The following SLAMF9 variants were observed in gnomAD, a reference collection of about 807,000 sequenced individuals.
SLAMF9 encodes the protein SLAM family member 9.
A neutral mutation model predicts 30.4 loss-of-function variants in SLAMF9; 25 were observed. That is an observed-to-expected ratio of 0.82 (90% confidence interval 0.60 to 1.15). SLAMF9 has a LOEUF of 1.15. Among genes scored for constraint, SLAMF9 ranks in the 50% most tolerant of loss-of-function variants. SLAMF9 has a pLI of 0.00. For missense variants in SLAMF9, 344 were observed against 346.1 expected, an observed-to-expected ratio of 0.99 and a Z score of 0.05; for synonymous variants, 129 against 127.2, an observed-to-expected ratio of 1.01 and a Z score of -0.09.
chr1:159,973,553 C>T, the SLAMF9 span, among the ~76,000 whole-genome samples: 8 of 152,162 alleles, frequency 5.3e-5, no homozygotes, highest in Non-Finnish European at 5.9e-5. Context: ...CTGGACTGGT[C>T]CAGGCTTTTC....
chr1:159,956,133 A>G (rs1029699599), upstream of SLAMF9, among the ~76,000 whole-genome samples: 1 of 152,236 alleles, frequency 6.6e-6, no homozygotes, highest in Non-Finnish European at 1.5e-5. Flanking sequence ...GTGTAAAGAA[A>G]TTGTAGATAT....
chr1:159,952,027 G>A (rs1033626487), intron 3 of SLAMF9, among the ~76,000 whole-genome samples, 161 bp from the exon 4 acceptor site: 1 of 152,166 alleles, frequency 6.6e-6, no homozygotes, highest in Non-Finnish European at 1.5e-5. Context: ...CAGAAGCTCA[G>A]GAACTGAGAT....
At chr1:159,953,779 T>C (rs890075666) in intron 1 of SLAMF9, 126 bp from the exon 2 acceptor site, 15 of 843,652 alleles carry the variant, frequency 1.8e-5, no homozygotes, top group Admixed American at 2.9e-5. Flanking sequence ...CACTAAATCC[T>C]GTTCTCCAGC....
chr1:159,974,726 G>T, the SLAMF9 span, among the ~76,000 whole-genome samples: 1 of 152,190 alleles, frequency 6.6e-6, no homozygotes, highest in African/African-American at 2.4e-5. Flanking sequence ...CAGGACAAGG[G>T]TCTCTCCCCA....
chr1:159,972,181 C>G, the SLAMF9 span, among the ~76,000 whole-genome samples: 2 of 152,174 alleles, frequency 1.3e-5, no homozygotes, highest in Admixed American at 6.5e-5. Flanking sequence ...CCTCTCTGTT[C>G]GTGCCCTGTG....
At chr1:159,952,972 C>T (rs1207973679) in intron 2 of SLAMF9, among the ~76,000 whole-genome samples, 1 of 152,188 alleles carries the variant, frequency 6.6e-6, no homozygotes, top group Non-Finnish European at 1.5e-5. Flanking sequence ...CCTCATCACA[C>T]AGGGAAATAA....
At chr1:159,973,247 G>GTCGCCCCCACTCCT in the SLAMF9 span, 1 of 924,690 alleles carries the variant, frequency 1.1e-6, no homozygotes, top group East Asian at 2.5e-5. Context: ...GCTCAGGAGT[G>GTCGCCCCCACTCCT]GGGGCGACAC....
At chr1:159,971,461 G>A in the SLAMF9 span, among the ~76,000 whole-genome samples, 2 of 152,298 alleles carry the variant, frequency 1.3e-5, no homozygotes, top group African/African-American at 2.4e-5. Context: ...GGAGAACAAG[G>A]TCCCTCAGGG....
the SLAMF9 span, among the ~76,000 whole-genome samples, chr1:159,978,169 C>T: frequency 6.6e-6 from 1 of 152,132 alleles, no homozygotes; most frequent in African/African-American, 2.4e-5. Flanking sequence ...GAGCCCATGT[C>T]ATACCCCTCC....
chr1:159,960,054 G>A, the SLAMF9 span, among the ~76,000 whole-genome samples: 1 of 151,772 alleles, frequency 6.6e-6, no homozygotes, highest in African/African-American at 2.4e-5. Context: ...TAGAGTACAT[G>A]TGCACAACGT....
chr1:159,960,047 A>G, the SLAMF9 span, among the ~76,000 whole-genome samples: 21,568 of 151,618 alleles, frequency 0.14, 1,652 homozygotes, highest in Middle Eastern at 0.27. Flanking sequence ...TAAGTTCTAG[A>G]GTACATGTGC....
chr1:159,969,603 ATTCCTGGACT>A, the SLAMF9 span, among the ~76,000 whole-genome samples: 7 of 152,144 alleles, frequency 4.6e-5, no homozygotes, highest in Admixed American at 4.6e-4. Context: ...GGCAGGTGTA[ATTCCTGGACT>A]TTCATCTCCA....
At chr1:159,979,971 A>G in the SLAMF9 span, among the ~76,000 whole-genome samples, 62 of 152,282 alleles carry the variant, frequency 4.1e-4, no homozygotes, top group African/African-American at 1.4e-3. Flanking sequence ...CGTTTTAGGA[A>G]ACTTTGGGTG....
At chr1:159,969,455 C>T in the SLAMF9 span, among the ~76,000 whole-genome samples, 1 of 152,162 alleles carries the variant, frequency 6.6e-6, no homozygotes, top group Non-Finnish European at 1.5e-5. Context: ...AAAAAATAAA[C>T]TATTCTTGTA....
the SLAMF9 span, among the ~76,000 whole-genome samples, chr1:159,980,205 C>G: frequency 6.6e-6 from 1 of 152,174 alleles, no homozygotes. Flanking sequence ...GACTTCTGGG[C>G]TGCAGGCACC....
At chr1:159,973,017 T>C in the SLAMF9 span, 1 of 1,416,622 alleles carries the variant, frequency 7.1e-7, no homozygotes, top group South Asian at 1.6e-5. Context: ...GACCTCCAGC[T>C]GGGGGCTCTG....
At chr1:159,959,193 G>A (rs1288279549), upstream of SLAMF9, among the ~76,000 whole-genome samples, 1 of 152,138 alleles carries the variant, frequency 6.6e-6, no homozygotes, top group Non-Finnish European at 1.5e-5. Flanking sequence ...CTAGCTGAGT[G>A]GCTTTGCACT....
At chr1:159,974,113 T>C in the SLAMF9 span, 1 of 1,338,380 alleles carries the variant, frequency 7.5e-7, no homozygotes, top group East Asian at 2.3e-5. Flanking sequence ...GTCCCATCAG[T>C]CACTTCTCTC....
chr1:159,952,007 A>T, intron 3 of SLAMF9, 141 bp from the exon 4 acceptor site: 1 of 751,396 alleles, frequency 1.3e-6, no homozygotes, highest in Non-Finnish European at 2.2e-6. Flanking sequence ...CTGGAAATAT[A>T]TTCTATGCAC....
Sources: gnomAD v4.1 joint callset for allele counts (sites outside exome capture counted in the v4.1 genomes callset) on GRCh38, gnomAD v4.1.1 for gene constraint, MANE v1.5 for transcripts, NCBI Gene and HGNC (gene_info 2026-07-23, HGNC 2026-07-21) for gene names.